IRAK2: variants seen among roughly 807,000 people sequenced by gnomAD.
IRAK2 encodes interleukin 1 receptor associated kinase 2.
A neutral mutation model predicts 72.0 loss-of-function variants in IRAK2; 57 were observed. The observed-to-expected ratio is 0.79, with a 90% CI of 0.64 to 0.99. IRAK2 has a LOEUF of 0.99. IRAK2 is among the 50% of genes least tolerant of loss of function. IRAK2 has a pLI of 0.00. For synonymous variants in IRAK2, 293 were observed against 312.7 expected, an observed-to-expected ratio of 0.94 and a Z score of 0.67; for missense variants, 790 against 794.4, an observed-to-expected ratio of 0.99 and a Z score of 0.07.
At chr3:10,186,075 CA>C (rs1276136963) in intron 2 of IRAK2, among the ~76,000 whole-genome samples, 1 of 151,352 alleles carries the variant, frequency 6.6e-6, no homozygotes, top group Non-Finnish European at 1.5e-5. Flanking sequence ...GTCTCAACAA[CA>C]ACAACAACAA....
At chr3:10,214,906 C>G (rs1289366294) in intron 6 of IRAK2, among the ~76,000 whole-genome samples, 2 of 151,758 alleles carry the variant, frequency 1.3e-5, no homozygotes, top group African/African-American at 2.4e-5. Context: ...ATCAGCTGGG[C>G]AACATGGCAA....
At chr3:10,172,968 C>G (rs1472787399) in intron 1 of IRAK2, among the ~76,000 whole-genome samples, 1 of 151,798 alleles carries the variant, frequency 6.6e-6, no homozygotes, top group Admixed American at 6.6e-5. Flanking sequence ...CGTGAGCCAC[C>G]GCACCTGGCC....
At chr3:10,226,461 G>T (rs1335755645) in intron 10 of IRAK2, 28 bp downstream of exon 10, 1 of 1,603,040 alleles carries the variant, frequency 6.2e-7, no homozygotes, top group South Asian at 1.1e-5. Flanking sequence ...ATCTGGCTGG[G>T]AGGTATATTT....
chr3:10,197,086 A>G (rs1453454255), intron 2 of IRAK2, among the ~76,000 whole-genome samples: 1 of 152,104 alleles, frequency 6.6e-6, no homozygotes, highest in Non-Finnish European at 1.5e-5. Context: ...AAACCCCACA[A>G]TATAAAACAG....
chr3:10,214,380 C>A (rs1209770358), intron 6 of IRAK2, among the ~76,000 whole-genome samples: 1 of 144,808 alleles, frequency 6.9e-6, no homozygotes, highest in African/African-American at 2.6e-5. Context: ...GTGCGCCCAG[C>A]TCATTTTTTG....
chr3:10,238,792 G>A lies in IRAK2; in HGVS notation c.1518G>A (p.Arg506=), dbSNP rs11465929. Residue 506 remains arginine (R), a synonymous_variant, in exon 12 of 13, where the codon CGG becomes CGA. Coordinates refer to ENST00000256458, the MANE Select transcript of IRAK2 (RefSeq NM_001570.4). ...VAAVEERLRG[R]ETLLPWSGLS... ...CTGTGGAAGAGCGGCTCCGAGGTCG[G>A]GAGACGTTGCTCCCTTGGAGTGGGC... is the stretch of plus-strand genomic sequence containing the variant. The A allele has an allele frequency of 3.2e-3, 5,092 of 1,614,076 alleles. 158 individuals are homozygous for A. The African/African-American group carries it at 0.06, about 19-fold the overall frequency.
intron 2 of IRAK2, among the ~76,000 whole-genome samples, chr3:10,196,326 G>A (rs945788797): frequency 1.3e-5 from 2 of 152,234 alleles, no homozygotes; most frequent in Admixed American, 6.5e-5. Flanking sequence ...TGTTGGCCAG[G>A]CTGGTCCAGA....
chr3:10,192,272 T>C (rs895881417), intron 2 of IRAK2, among the ~76,000 whole-genome samples: 2 of 152,182 alleles, frequency 1.3e-5, no homozygotes, highest in Non-Finnish European at 2.9e-5. Flanking sequence ...ACTGTGTAGT[T>C]TGACGGGCGT....
intron 11 of IRAK2, among the ~76,000 whole-genome samples, chr3:10,235,076 C>T (rs753034030): frequency 6.6e-6 from 1 of 152,138 alleles, no homozygotes; most frequent in African/African-American, 2.4e-5. Flanking sequence ...AGTTGTTTAC[C>T]GCTTGGCCAA....
intron 6 of IRAK2, among the ~76,000 whole-genome samples, chr3:10,216,256 G>A (rs1366779945): frequency 6.6e-6 from 1 of 152,118 alleles, no homozygotes; most frequent in Non-Finnish European, 1.5e-5. Flanking sequence ...TGCCTTTCTG[G>A]GATAATAAAT....
intron 11 of IRAK2, among the ~76,000 whole-genome samples, chr3:10,237,283 C>T (rs1472443502): frequency 1.3e-5 from 2 of 152,070 alleles, no homozygotes; most frequent in Non-Finnish European, 2.9e-5. Flanking sequence ...GGGGATAGGG[C>T]ACTTTAGGTG....
intron 2 of IRAK2, among the ~76,000 whole-genome samples, chr3:10,194,777 A>G (rs972976787): frequency 6.6e-6 from 1 of 152,176 alleles, no homozygotes; most frequent in Non-Finnish European, 1.5e-5. Context: ...GTTCATGTTT[A>G]TACGCACCAT....
rs144306915 is a variant in IRAK2, at chr3:10,193,446, A to T, written c.278-6923A>T. Among the ~76,000 whole-genome samples the T allele has an allele frequency of 2.1e-4, 31 of 149,180 alleles. No individual in the cohort carries two copies. In the East Asian group the frequency reaches 4.3e-3, roughly 21 times the overall value. ...TGGCAAAACCCTGTCTCTACCAAAAAAAAACAAAAACAAAAACAAAAACAA... is the reference window on the plus strand; with the variant it reads ...TGGCAAAACCCTGTCTCTACCAAAATAAAACAAAAACAAAAACAAAAACAA... On this transcript the variant is annotated intron_variant, in intron 2 of 12. Coordinates refer to ENST00000256458, the MANE Select transcript of IRAK2 (RefSeq NM_001570.4).
rs1371030156 is a variant in IRAK2 at position 10,238,881 on chromosome 3, G to A, written c.1607G>A (p.Ser536Asn). The A allele has an allele frequency of 1.2e-6, 2 of 1,614,144 alleles. No homozygotes were observed. Among genetic ancestry groups the A allele is most frequent in the Non-Finnish European group, 1.7e-6 (2 of 1,180,020 alleles). ...PEETDDVDNSSLDASSSMSVA... is the reference protein window; with the variant it reads ...PEETDDVDNSNLDASSSMSVA... ...GAAACAGACGACGTTGACAATTCCA[G>A]CCTTGATGCCTCCTCCTCCATGAGT... The change falls in exon 12 of 13, where the codon AGC (serine) becomes AAC (asparagine). Residue 536 changes from serine to asparagine, a missense_variant. Physicochemically the swap from Ser to Asn is conservative, Grantham distance 46 (BLOSUM62 1). Coordinates refer to ENST00000256458, the MANE Select transcript of IRAK2 (RefSeq NM_001570.4).
Position 10,186,846 on chromosome 3 carries a change from C to T in IRAK2, c.277+8826C>T, listed in dbSNP as rs1397326153. Among the ~76,000 whole-genome samples the T allele has an allele frequency of 4.2e-5, 6 of 142,670 alleles. 1 individual carries two copies. Among genetic ancestry groups the T allele is most frequent in the Non-Finnish European group, 5.9e-5 (4 of 67,248 alleles). The allele number at this position is 142,670 out of a possible 152,430, so 93.6% of individuals were successfully genotyped here. A position where few individuals can be genotyped will look rare whatever the true frequency, so the allele number is the denominator to read the frequency against. ...TCGCTTTGTTGCCCAGGCTGGAATG[C>T]AGTGGGGCAGTGGTACAATCTTAGC... On this transcript the variant is annotated intron_variant, in intron 2 of 12. Transcript: ENST00000256458.
At chr3:10,185,026 G>T (rs576220741) in intron 2 of IRAK2, among the ~76,000 whole-genome samples, 5 of 150,428 alleles carry the variant, frequency 3.3e-5, no homozygotes, top group Non-Finnish European at 7.4e-5. Context: ...CCCCTGCGCC[G>T]GGCCAAAACT....
chr3:10,179,464 C>T (rs7640135), intron 2 of IRAK2, among the ~76,000 whole-genome samples: 1 of 150,876 alleles, frequency 6.6e-6, no homozygotes, highest in African/African-American at 2.4e-5. Context: ...TATGAAGTCT[C>T]TCTCTGTTGC....
chr3:10,191,256 C>T (rs1697171564), intron 2 of IRAK2, among the ~76,000 whole-genome samples: 2 of 151,166 alleles, frequency 1.3e-5, no homozygotes, highest in African/African-American at 4.9e-5. Context: ...GATCGCGCCA[C>T]TGCACTCCAG....
At chr3:10,220,487 G>C (rs1043153072) in intron 8 of IRAK2, among the ~76,000 whole-genome samples, 6 of 151,954 alleles carry the variant, frequency 3.9e-5, no homozygotes, top group Non-Finnish European at 7.4e-5. Flanking sequence ...TTGTCACCCA[G>C]GCTGAAATGC....
Sources: gnomAD v4.1 joint callset for allele counts (sites outside exome capture counted in the v4.1 genomes callset) on GRCh38, gnomAD v4.1.1 for gene constraint, MANE v1.5 for transcripts, NCBI Gene and HGNC (gene_info 2026-07-23, HGNC 2026-07-21) for gene names.